The following HDAC9 variants were observed in gnomAD, a reference collection of about 807,000 sequenced individuals.
HDAC9 encodes MEF-2 interacting transcription repressor (MITR) protein.
Under a neutral mutation model 139.4 loss-of-function variants are expected in HDAC9, and 41 were observed. That is an observed-to-expected ratio of 0.29 (90% CI 0.23 to 0.38). The LOEUF is 0.38. Ranked by LOEUF, HDAC9 falls within the 10% of genes least tolerant of loss-of-function variation. The pLI, the probability that HDAC9 is intolerant of heterozygous loss-of-function variation, is 1.00. For missense variants in HDAC9, 1,147 were observed against 1,297.0 expected (o/e 0.88, Z 1.78); for synonymous variants, 517 against 476.2 (o/e 1.09, Z -1.12).
rs1264207149 is a variant in HDAC9, at chr7:18,131,533, G to A, written c.-96-30696G>A. ...TTTGTTTTTGGCTAGACAACTTGTG[G>A]GATGCAGTAGGGGGTAGAGTGTATA... On this transcript the variant is annotated intron_variant, in intron 1 of 12. Coordinates refer to the HDAC9 transcript ENST00000417496. Among the ~76,000 whole-genome samples the A allele has an allele frequency of 2.0e-5, 3 of 152,138 alleles. No homozygotes were observed. In the East Asian group the frequency reaches 5.8e-4, roughly 29 times the overall value.
intron 12 of HDAC9, among the ~76,000 whole-genome samples, chr7:18,701,152 TA>T (rs5882668): frequency 0.44 from 63,987 of 146,052 alleles, 16,157 homozygotes; most frequent in African/African-American, 0.71. Context: ...AACTTGTTCA[TA>T]AAAAAAAAAA....
At chr7:18,884,060 A>G (rs1799940045) in intron 22 of HDAC9, among the ~76,000 whole-genome samples, 1 of 152,180 alleles carries the variant, frequency 6.6e-6, no homozygotes, top group African/African-American at 2.4e-5. Context: ...ATGTAAGTAA[A>G]TGGAGAGATA....
rs189971094 is a variant in HDAC9, at chr7:18,511,361, C to T, written c.22+15037C>T. 2.0e-5 allele frequency among the ~76,000 whole-genome samples: 3 copies of T among 152,250 alleles called. No homozygotes were observed. In the East Asian group the frequency reaches 5.8e-4, roughly 29 times the overall value. ...CTTTTTTTACTTTTTCTTTCCAGCA[C>T]ATAGTTTCAAATCTGAATATAGTTA... On this transcript the variant is annotated intron_variant, in intron 2 of 25. Coordinates refer to ENST00000686413, the MANE Select transcript of HDAC9 (RefSeq NM_178425.4).
In HDAC9 at chr7:18,330,071, T is replaced by C. The variant is rs1204804238; in HGVS notation, c.-42+39556T>C. Reference sequence around the variant, plus strand: ...CTCATACCTTGATGCTTTGGGAAAATAAAAATTTTCTGATTATATTATTTT... The same window carrying C: ...CTCATACCTTGATGCTTTGGGAAAACAAAAATTTTCTGATTATATTATTTT... On this transcript the variant is annotated intron_variant, in intron 1 of 3. Coordinates refer to the HDAC9 transcript ENST00000413509. Among the ~76,000 whole-genome samples, 3 of 151,394 alleles carry C rather than the reference T, an allele frequency of 2.0e-5. No homozygotes were observed. The East Asian group carries it at 5.9e-4, about 30-fold the overall frequency.
chr7:18,229,448 G>A (rs1024377904), intron 2 of HDAC9, among the ~76,000 whole-genome samples: 15 of 152,186 alleles, frequency 9.9e-5, no homozygotes, highest in Non-Finnish European at 2.2e-4. Context: ...ACCTTCGAAC[G>A]TATTCCAGCA....
intron 11 of HDAC9, among the ~76,000 whole-genome samples, chr7:18,661,450 A>G (rs1793108077): frequency 6.6e-6 from 1 of 152,102 alleles, no homozygotes; most frequent in South Asian, 2.1e-4. Flanking sequence ...GCTCCTATTA[A>G]TCCAGTTGTC....
chr7:18,560,463 C>T (rs976364704), intron 2 of HDAC9, among the ~76,000 whole-genome samples: 2 of 152,138 alleles, frequency 1.3e-5, no homozygotes, highest in Non-Finnish European at 2.9e-5. Flanking sequence ...TACCAACATC[C>T]CCTGTATGCC....
chr7:18,971,224 A>T (rs1189167717), intron 24 of HDAC9, among the ~76,000 whole-genome samples: 3 of 152,234 alleles, frequency 2.0e-5, no homozygotes, highest in Non-Finnish European at 1.5e-5. Context: ...AAGGCTGGAT[A>T]GTCCTTAAAA....
At chr7:18,254,944 GAT>G (rs1397405233) in intron 2 of HDAC9, among the ~76,000 whole-genome samples, 3 of 152,108 alleles carry the variant, frequency 2.0e-5, no homozygotes, top group East Asian at 3.9e-4. Context: ...TTTTATATTT[GAT>G]ATGTTTTATA....
rs545177035 is a variant in HDAC9, at chr7:18,175,971, T to G, written c.25+13622T>G. Among the ~76,000 whole-genome samples the G allele has an allele frequency of 3.9e-5, 6 of 152,274 alleles. No homozygotes were observed. The South Asian group carries it at 1.0e-3, about 26-fold the overall frequency. On this transcript the variant is annotated intron_variant, in intron 2 of 12. Transcript: ENST00000417496. ...TCTGGGTGAGCTGGGGATTTTTCCTTTGGAGCTGGAATTTGCCCTAGTAAT... is the reference window on the plus strand; with the variant it reads ...TCTGGGTGAGCTGGGGATTTTTCCTGTGGAGCTGGAATTTGCCCTAGTAAT...
intron 1 of HDAC9, among the ~76,000 whole-genome samples, chr7:18,373,826 A>T (rs1784773287): frequency 6.6e-6 from 1 of 152,098 alleles, no homozygotes; most frequent in South Asian, 2.1e-4. Flanking sequence ...AAGTCATGCT[A>T]ACTTTTAAAG....
chr7:18,560,663 A>C (rs1820300907), intron 2 of HDAC9, among the ~76,000 whole-genome samples: 1 of 152,130 alleles, frequency 6.6e-6, no homozygotes, highest in Admixed American at 6.5e-5. Flanking sequence ...CCTAGTAAAC[A>C]GTATGTATTT....
chr7:18,103,042 C>T (rs545923384), intron 1 of HDAC9, among the ~76,000 whole-genome samples: 1 of 152,262 alleles, frequency 6.6e-6, no homozygotes, highest in South Asian at 2.1e-4. Context: ...ACTCACAGTT[C>T]CACATTGCGG....
chr7:18,257,068 G>A (rs1795295130), intron 2 of HDAC9, among the ~76,000 whole-genome samples: 1 of 152,028 alleles, frequency 6.6e-6, no homozygotes, highest in Admixed American at 6.5e-5. Context: ...CAGCCTGGGT[G>A]ACAGAGTGAG....
intron 2 of HDAC9, among the ~76,000 whole-genome samples, chr7:18,557,339 GTT>G (rs34667664): frequency 2.0e-3 from 268 of 137,408 alleles, no homozygotes; most frequent in African/African-American, 5.4e-3. Context: ...GCAATGATGA[GTT>G]TTTTTTTTTT....
At chr7:18,390,826 C>T (rs138710681) in intron 1 of HDAC9, among the ~76,000 whole-genome samples, 21 of 152,150 alleles carry the variant, frequency 1.4e-4, no homozygotes, top group East Asian at 1.2e-3. Context: ...TGGTGGCTCA[C>T]GCCTGTAATC....
intron 22 of HDAC9, among the ~76,000 whole-genome samples, chr7:18,927,947 G>A (rs76427971): frequency 0.027 from 4,080 of 152,264 alleles, 188 homozygotes; most frequent in African/African-American, 0.091. Flanking sequence ...GACTTGTCAT[G>A]AATGGGAGAC....
In HDAC9 at chr7:18,451,368, C is replaced by CGTGTGTGTGTGT. The variant is rs71553928; in HGVS notation, c.-41-44871_-41-44860dup. The stretch of plus-strand genomic sequence containing the variant: ...ATGGACCAAGACACATGTATATGTG[C>CGTGTGTGTGTGT]GTGTGTGTGTGTGTGTGTGTGTGTG... On this transcript the variant is annotated intron_variant, in intron 1 of 3. Coordinates refer to the HDAC9 transcript ENST00000413509. 1.3e-3 allele frequency among the ~76,000 whole-genome samples: 176 copies of CGTGTGTGTGTGT among 138,878 alleles called. 1 individual carries two copies. The highest frequency in any genetic ancestry group is 3.9e-3 in the Middle Eastern group (1 of 254). 91.1% of individuals were successfully genotyped at this position (138,878 alleles called of 152,430 possible).
intron 6 of HDAC9, among the ~76,000 whole-genome samples, chr7:18,623,083 G>A (rs1840670848): frequency 1.3e-5 from 2 of 151,748 alleles, no homozygotes; most frequent in South Asian, 2.1e-4. Context: ...AGTTGAGGCT[G>A]TAGTGAGCTG....
Sources: gnomAD v4.1 joint callset for allele counts (sites outside exome capture counted in the v4.1 genomes callset) on GRCh38, gnomAD v4.1.1 for gene constraint, MANE v1.5 for transcripts, NCBI Gene and HGNC (gene_info 2026-07-23, HGNC 2026-07-21) for gene names.